Variants in AGFG1 observed in about 807,000 individuals in gnomAD.
AGFG1 encodes the protein arf-GAP domain and FG repeat-containing protein 1.
AGFG1 carries 10 observed loss-of-function variants against 60.6 expected under a neutral mutation model. The observed-to-expected ratio is 0.16, with a 90% CI of 0.10 to 0.28. AGFG1 has a LOEUF of 0.28. AGFG1 is among the 10% of genes least tolerant of loss of function. The pLI is 1.00. For synonymous variants in AGFG1, 247 were observed against 242.9 expected (o/e 1.02, Z -0.16); for missense variants, 537 against 676.5 (o/e 0.79, Z 2.29).
At chr2:227,498,965 G>A (rs1691064694) in intron 2 of AGFG1, among the ~76,000 whole-genome samples, 1 of 151,976 alleles carries the variant, frequency 6.6e-6, no homozygotes, top group Non-Finnish European at 1.5e-5. Context: ...AGATGCTTTT[G>A]TTTCTTTTTT....
At chr2:227,548,416 C>A (rs1221953983) in intron 10 of AGFG1, among the ~76,000 whole-genome samples, 1 of 152,148 alleles carries the variant, frequency 6.6e-6, no homozygotes, top group Admixed American at 6.5e-5. Context: ...TGGGGGGCAT[C>A]TTTGTTGCAG....
chr2:227,489,553 G>A (rs918190945), intron 1 of AGFG1, among the ~76,000 whole-genome samples: 6 of 151,850 alleles, frequency 4.0e-5, no homozygotes, highest in Admixed American at 3.3e-4. Context: ...ATAAAATTTC[G>A]GTTACTTAGT....
chr2:227,502,881 G>C (rs1342409077), intron 2 of AGFG1, among the ~76,000 whole-genome samples: 1 of 152,122 alleles, frequency 6.6e-6, no homozygotes, highest in African/African-American at 2.4e-5. Context: ...TACACTTCTA[G>C]CTCTATTGTT....
chr2:227,529,283 A>G (rs1575100663), intron 5 of AGFG1, among the ~76,000 whole-genome samples: 1 of 152,140 alleles, frequency 6.6e-6, no homozygotes, highest in Non-Finnish European at 1.5e-5. Context: ...TTTTCCATAT[A>G]TAGTTCAGAA....
chr2:227,520,684 A>G (rs764495386), intron 3 of AGFG1, among the ~76,000 whole-genome samples: 4 of 152,240 alleles, frequency 2.6e-5, no homozygotes, highest in South Asian at 2.1e-4. Flanking sequence ...GACTATATCT[A>G]TAAAGCTAGT....
intron 1 of AGFG1, among the ~76,000 whole-genome samples, chr2:227,481,742 C>T (rs2106156747): frequency 6.6e-6 from 1 of 152,106 alleles, no homozygotes; most frequent in East Asian, 1.9e-4. Flanking sequence ...TACAGGCATG[C>T]AGTATGAGAT....
At chr2:227,520,878 G>A (rs575548207) in intron 3 of AGFG1, among the ~76,000 whole-genome samples, 38 of 152,236 alleles carry the variant, frequency 2.5e-4, no homozygotes, top group South Asian at 2.1e-4. Context: ...GGGAAGTAAC[G>A]AGCTTCTTGT....
intron 2 of AGFG1, among the ~76,000 whole-genome samples, chr2:227,494,428 C>T (rs1041884597): frequency 7.2e-5 from 11 of 152,178 alleles, no homozygotes; most frequent in African/African-American, 2.7e-4. Flanking sequence ...TAAAAAGGCT[C>T]TATCATACAT....
chr2:227,541,668 T>A (rs11888837), intron 10 of AGFG1, among the ~76,000 whole-genome samples: 90,378 of 151,982 alleles, frequency 0.59, 26,973 homozygotes, highest in South Asian at 0.7. Context: ...AGGATTGTCT[T>A]GGCAATGCAG....
At position 227,539,442 on chromosome 2, in the gene AGFG1, C is replaced by CA. The variant is rs542351308; in HGVS notation, c.1378+2457dup. On this transcript the variant is annotated intron_variant, in intron 10 of 12. Coordinates refer to ENST00000310078, the MANE Select transcript of AGFG1 (RefSeq NM_004504.5). The stretch of plus-strand genomic sequence containing the variant: ...TGGGCGACAGAGCAAGACTCTGTCT[C>CA]AAAAAAAACAAAAAACACATGTTAA... 1.8e-3 allele frequency among the ~76,000 whole-genome samples: 73 copies of CA among 39,520 alleles called. 2 individuals are homozygous for CA. Among genetic ancestry groups the CA allele is most frequent in the Non-Finnish European group, 3.5e-3 (57 of 16,166 alleles). 25.9% of individuals were successfully genotyped at this position (39,520 alleles called of 152,430 possible). A position where few individuals can be genotyped will look rare whatever the true frequency, so the allele number is the denominator to read the frequency against.
chr2:227,478,474 C>G (rs1275201606), intron 1 of AGFG1, among the ~76,000 whole-genome samples: 2 of 151,726 alleles, frequency 1.3e-5, no homozygotes, highest in African/African-American at 4.8e-5. Flanking sequence ...TTCCCAGGTA[C>G]CTGGGACTAC....
At chr2:227,544,642 AG>A (rs1692589159) in intron 10 of AGFG1, among the ~76,000 whole-genome samples, 1 of 152,100 alleles carries the variant, frequency 6.6e-6, no homozygotes. Context: ...AGCTCTTGTA[AG>A]GCAGGCCTGG....
chr2:227,514,433 G>A (rs1490689910), intron 2 of AGFG1, among the ~76,000 whole-genome samples: 3 of 152,046 alleles, frequency 2.0e-5, no homozygotes, highest in Non-Finnish European at 4.4e-5. Flanking sequence ...GTCCAGGCTG[G>A]TCTTTACCTC....
rs1693046409 is a variant in AGFG1 at position 227,558,599 on chromosome 2, T to C, written c.*4104T>C. On this transcript the variant is annotated 3_prime_UTR_variant, in exon 13 of 13. Coordinates refer to ENST00000310078, the MANE Select transcript of AGFG1 (RefSeq NM_004504.5). ...ATTTAACCTGTTGTATTCATCCTCA[T>C]TAGTTAAGTTTTTCTTTTTATGTTT... 6.6e-6 allele frequency: 1 copy of C among 152,172 alleles called. No homozygotes were observed. Among genetic ancestry groups the C allele is most frequent in the Non-Finnish European group, 1.5e-5 (1 of 68,024 alleles). 9.4% of individuals were successfully genotyped at this position (152,172 alleles called of 1,614,324 possible). A position where few individuals can be genotyped will look rare whatever the true frequency, so the allele number is the denominator to read the frequency against.
chr2:227,551,343 A>G (rs1692814204), intron 10 of AGFG1, among the ~76,000 whole-genome samples: 1 of 152,012 alleles, frequency 6.6e-6, no homozygotes, highest in African/African-American at 2.4e-5. Flanking sequence ...TGTGTATGGA[A>G]TTGATTTAAT....
intron 1 of AGFG1, among the ~76,000 whole-genome samples, chr2:227,489,110 C>T (rs112550929): frequency 0.011 from 1,659 of 150,186 alleles, 25 homozygotes; most frequent in African/African-American, 0.037. Context: ...CCACTGTGCC[C>T]GGCCACTTTT....
intron 10 of AGFG1, among the ~76,000 whole-genome samples, chr2:227,538,750 C>CT (rs1024955161): frequency 1.3e-5 from 2 of 151,952 alleles, no homozygotes; most frequent in Admixed American, 1.3e-4. Flanking sequence ...AGTTAAGGGC[C>CT]TTTTTTTGCT....
chr2:227,479,619 T>C (rs187081869), intron 1 of AGFG1, among the ~76,000 whole-genome samples: 5 of 152,324 alleles, frequency 3.3e-5, no homozygotes, highest in African/African-American at 7.2e-5. Flanking sequence ...GAAACTCCTA[T>C]GGAAATATTC....
In AGFG1 at chr2:227,557,138, G is replaced by A. The variant is rs1168305554; in HGVS notation, c.*2643G>A. Reference sequence around the variant, plus strand: ...AGGCTGAAGACCTTCAAATTTCCTGGCTTACTGGTTTAGTCACATCATTTT... The same window carrying A: ...AGGCTGAAGACCTTCAAATTTCCTGACTTACTGGTTTAGTCACATCATTTT... On this transcript the variant is annotated 3_prime_UTR_variant, in exon 13 of 13. Transcript: ENST00000310078. The A allele has an allele frequency of 6.6e-6, 1 of 152,064 alleles. No individual in the cohort carries two copies. Among genetic ancestry groups the A allele is most frequent in the African/African-American group, 2.4e-5 (1 of 41,388 alleles). The allele number at this position is 152,064 out of a possible 1,614,324, so 9.4% of individuals were successfully genotyped here.
Sources: allele counts gnomAD v4.1 joint callset (sites outside exome capture counted in the v4.1 genomes callset), GRCh38; gene constraint gnomAD v4.1.1; transcripts MANE v1.5; gene names NCBI Gene and HGNC (gene_info 2026-07-23, HGNC 2026-07-21).